INPP5A: variants seen among roughly 807,000 people sequenced by gnomAD.
The protein encoded by INPP5A is 43 kDa inositol polyphosphate 5-phophatase.
A neutral mutation model predicts 65.2 loss-of-function variants in INPP5A; 14 were observed. The observed-to-expected ratio is 0.21, with a 90% CI of 0.14 to 0.34. The LOEUF (loss-of-function observed/expected upper bound fraction) is 0.34. Ranked by LOEUF, INPP5A falls within the 10% of genes least tolerant of loss-of-function variation. INPP5A has a pLI of 1.00. For missense variants in INPP5A, 431 were observed against 545.6 expected, an observed-to-expected ratio of 0.79 and a Z score of 2.09; for synonymous variants, 207 against 208.3, an observed-to-expected ratio of 0.99 and a Z score of 0.05.
intron 1 of INPP5A, among the ~76,000 whole-genome samples, chr10:132,565,723 GT>G (rs2071265464): frequency 6.9e-6 from 1 of 143,974 alleles, no homozygotes; most frequent in African/African-American, 2.5e-5. Context: ...CTGAGTTTGT[GT>G]GTGTGTGTGT....
intron 6 of INPP5A, among the ~76,000 whole-genome samples, chr10:132,701,857 G>C (rs909455159): frequency 1.3e-5 from 2 of 152,250 alleles, no homozygotes; most frequent in Non-Finnish European, 2.9e-5. Flanking sequence ...GGTGGTTCCC[G>C]TTCTGGTTCT....
chr10:132,725,578 C>T (rs923706913), intron 8 of INPP5A, among the ~76,000 whole-genome samples: 9 of 152,234 alleles, frequency 5.9e-5, no homozygotes, highest in Admixed American at 2.6e-4. Context: ...CCCCCTGCCT[C>T]CCGGCCTCAT....
In INPP5A at chr10:132,546,734, C is replaced by T. The variant is rs2070978061; in HGVS notation, c.75+8563C>T. 2.6e-5 allele frequency among the ~76,000 whole-genome samples: 4 copies of T among 152,302 alleles called. No individual in the cohort carries two copies. Among genetic ancestry groups the T allele is most frequent in the Admixed American group, 6.5e-5 (1 of 15,306 alleles). On this transcript the variant is annotated intron_variant, in intron 1 of 15. Coordinates refer to ENST00000368594, the MANE Select transcript of INPP5A (RefSeq NM_005539.5). This position sits in a 1 kb window ranked among gnomAD's most constrained non-coding sequence, Gnocchi z 5.7. ...CTCTTCCTGGGTGCACTGCATACCC[C>T]GGGCCCCCTGGGCTCTGGCCTGTCC...
chr10:132,701,582 G>A (rs1014121943), intron 6 of INPP5A, among the ~76,000 whole-genome samples: 4 of 152,244 alleles, frequency 2.6e-5, no homozygotes, highest in Non-Finnish European at 4.4e-5. Flanking sequence ...GCCCCAGGAC[G>A]CCCGTCTCTG....
At position 132,663,992 on chromosome 10, in the gene INPP5A, G is replaced by A. The variant is rs558100477; in HGVS notation, c.306+13487G>A. ...GCAGCCCAGGAAACAAACACGCCGCGCGAAAGGTATTGGTGAACGAACTGA... is the reference window on the plus strand; with the variant it reads ...GCAGCCCAGGAAACAAACACGCCGCACGAAAGGTATTGGTGAACGAACTGA... On this transcript the variant is annotated intron_variant, in intron 4 of 15. Coordinates refer to ENST00000368594, the MANE Select transcript of INPP5A (RefSeq NM_005539.5). This position sits in a 1 kb window ranked among gnomAD's most constrained non-coding sequence, Gnocchi z 4.5. 2.6e-5 allele frequency among the ~76,000 whole-genome samples: 4 copies of A among 152,386 alleles called. No individual in the cohort carries two copies. The highest frequency in any genetic ancestry group is 6.5e-5 in the Admixed American group (1 of 15,308).
rs974671115 is a variant in INPP5A, at chr10:132,705,396, C to G, written c.475-2917C>G. ...AGCCAGACCAGTAGCCTGGGGATGC[C>G]TTGGCCAGCCTCCTGGAGCTTTGGC... is the stretch of plus-strand genomic sequence containing the variant. On this transcript the variant is annotated intron_variant, in intron 6 of 15. Coordinates refer to ENST00000368594, the MANE Select transcript of INPP5A (RefSeq NM_005539.5). This position sits in a 1 kb window ranked among gnomAD's most constrained non-coding sequence, Gnocchi z 4.9. Among the ~76,000 whole-genome samples, 1 of 152,236 alleles carries G rather than the reference C, an allele frequency of 6.6e-6. No individual in the cohort carries two copies. The highest frequency in any genetic ancestry group is 6.5e-5 in the Admixed American group (1 of 15,292).
chr10:132,776,831 C>A (rs887322301), intron 12 of INPP5A, among the ~76,000 whole-genome samples: 3 of 151,986 alleles, frequency 2.0e-5, no homozygotes, highest in African/African-American at 7.3e-5. Flanking sequence ...GTAGTGGGGG[C>A]CATGGCCATG....
intron 2 of INPP5A, among the ~76,000 whole-genome samples, chr10:132,608,462 G>A (rs1181589261): frequency 6.6e-6 from 1 of 152,246 alleles, no homozygotes; most frequent in African/African-American, 2.4e-5. Flanking sequence ...TATGGAGCCC[G>A]GTACTGTGCT....
intron 8 of INPP5A, among the ~76,000 whole-genome samples, chr10:132,711,020 T>C (rs1845628244): frequency 6.6e-6 from 1 of 152,174 alleles, no homozygotes; most frequent in African/African-American, 2.4e-5. Context: ...CCCCAAGCCC[T>C]GGCAAAGGCT....
At position 132,540,936 on chromosome 10, in the gene INPP5A, T is replaced by C. The variant is rs572078948; in HGVS notation, c.75+2765T>C. Reference sequence around the variant, plus strand: ...CCTTTTGTGCACAAGTGATAGGTGGTTTGCTTTTGCTTTTGCAGTTTTGAA... The same window carrying C: ...CCTTTTGTGCACAAGTGATAGGTGGCTTGCTTTTGCTTTTGCAGTTTTGAA... On this transcript the variant is annotated intron_variant, in intron 1 of 15. Coordinates refer to ENST00000368594, the MANE Select transcript of INPP5A (RefSeq NM_005539.5). Among the ~76,000 whole-genome samples the C allele has an allele frequency of 2.6e-5, 4 of 152,274 alleles. No homozygotes were observed. In the East Asian group the frequency reaches 7.7e-4, roughly 29 times the overall value.
At chr10:132,738,382 G>A (rs932099138) in intron 9 of INPP5A, among the ~76,000 whole-genome samples, 1 of 152,210 alleles carries the variant, frequency 6.6e-6, no homozygotes, top group Admixed American at 6.5e-5. Flanking sequence ...CGAGGGCTGA[G>A]CTCTGTGTCC....
At chr10:132,597,922 C>T (rs949617313) in intron 1 of INPP5A, among the ~76,000 whole-genome samples, 52 of 147,180 alleles carry the variant, frequency 3.5e-4, no homozygotes, top group African/African-American at 1.2e-3. Flanking sequence ...GCCTGTGGTG[C>T]GTCCTGCGGG....
intron 4 of INPP5A, among the ~76,000 whole-genome samples, chr10:132,686,471 C>T (rs577227785): frequency 6.6e-6 from 1 of 152,364 alleles, no homozygotes; most frequent in African/African-American, 2.4e-5. Flanking sequence ...GAGCTGGGGA[C>T]TTCCTGTCGG....
intron 1 of INPP5A, among the ~76,000 whole-genome samples, chr10:132,586,880 C>T (rs990382836): frequency 5.3e-5 from 8 of 152,216 alleles, no homozygotes; most frequent in East Asian, 3.9e-4. Context: ...GGCGGCGCAG[C>T]GCGGCGAGGC....
chr10:132,770,360 G>T (rs566902596), intron 12 of INPP5A, among the ~76,000 whole-genome samples: 1 of 152,256 alleles, frequency 6.6e-6, no homozygotes, highest in African/African-American at 2.4e-5. Context: ...GTTTCCTCGC[G>T]GAGGCCGTGG....
intron 4 of INPP5A, among the ~76,000 whole-genome samples, chr10:132,666,068 AAAG>A (rs936299540): frequency 1.3e-5 from 2 of 151,522 alleles, no homozygotes; most frequent in Non-Finnish European, 2.9e-5. Context: ...AAAAAAAAAA[AAAG>A]AGAAGAATGA....
intron 4 of INPP5A, among the ~76,000 whole-genome samples, chr10:132,687,805 C>T (rs1300908045): frequency 6.6e-6 from 1 of 152,242 alleles, no homozygotes; most frequent in Admixed American, 6.5e-5. Context: ...TGTCCCTGCT[C>T]CTGCCTGTGG....
rs2072944594 is a variant in INPP5A at position 132,675,006 on chromosome 10, C to T, written c.307-15386C>T. 1.3e-5 allele frequency among the ~76,000 whole-genome samples: 2 copies of T among 152,238 alleles called. No homozygotes were observed. The highest frequency in any genetic ancestry group is 4.8e-5 in the African/African-American group (2 of 41,476). ...TCATATGGCCCAAGTGTCAGAGCAG[C>T]TGGCACAGCAGCCTGGACCTGTTGC... On this transcript the variant is annotated intron_variant, in intron 4 of 15. Transcript: ENST00000368594. The surrounding 1 kb of genome is among the most constrained non-coding windows in gnomAD (Gnocchi z 4.2).
At position 132,537,928 on chromosome 10, in the gene INPP5A, CGGAGCCCCGGCCAGG is replaced by C; in HGVS notation, c.-168_-154del. ...GCGAGCGAGCGAGCGAGCGCGAGGCCGGAGCCCCGGCCAGGCCCGGCCGACCCGCCGAGCCCGCGA... is the reference window on the plus strand; with the variant it reads ...GCGAGCGAGCGAGCGAGCGCGAGGCCCCCGGCCGACCCGCCGAGCCCGCGA... On this transcript the variant is annotated 5_prime_UTR_variant, in exon 1 of 16. Transcript: ENST00000368594. 1 of 181,540 alleles carries C rather than the reference CGGAGCCCCGGCCAGG, an allele frequency of 5.5e-6. No homozygotes were observed. Among genetic ancestry groups the C allele is most frequent in the East Asian group, 1.3e-4 (1 of 7,514 alleles). The allele number at this position is 181,540 out of a possible 1,614,324, so 11.2% of individuals were successfully genotyped here.
Sources: gnomAD v4.1 joint callset for allele counts (sites outside exome capture counted in the v4.1 genomes callset) on GRCh38, gnomAD v4.1.1 for gene constraint, Gnocchi (gnomAD v3.1) non-coding constraint, MANE v1.5 for transcripts, NCBI Gene and HGNC (gene_info 2026-07-23, HGNC 2026-07-21) for gene names.